Variants in DENND4C observed in about 807,000 individuals in gnomAD.
DENND4C encodes the protein DENN domain containing 4C, also known as DENN domain-containing protein 4C.
In DENND4C, 108 loss-of-function variants were observed where a neutral mutation model predicts 203.0. The ratio of observed to expected loss-of-function variants is 0.53; its 90% CI spans 0.46 to 0.62. The LOEUF (loss-of-function observed/expected upper bound fraction) is 0.62, where lower values mean the gene tolerates loss of function less well. DENND4C is among the 20% of genes least tolerant of loss of function. The pLI is 0.00. For synonymous variants in DENND4C, 871 were observed against 792.4 expected (o/e 1.10, Z -1.67); for missense variants, 2,481 against 2,301.2 (o/e 1.08, Z -1.60).
chr9:19,244,920 G>C (rs1225006884), intron 1 of DENND4C, among the ~76,000 whole-genome samples: 5 of 152,092 alleles, frequency 3.3e-5, no homozygotes, highest in Non-Finnish European at 7.4e-5. Flanking sequence ...TGAATTACTA[G>C]ATGTGAAATA....
chr9:19,280,218 C>T (rs1334634483), intron 2 of DENND4C, among the ~76,000 whole-genome samples: 6 of 151,684 alleles, frequency 4.0e-5, no homozygotes, highest in South Asian at 2.1e-4. Context: ...GGTGCGATCT[C>T]GGCTCACTGC....
In DENND4C at chr9:19,325,922, G is replaced by A; in HGVS notation, c.1954-17G>A. On this transcript the variant is annotated splice_polypyrimidine_tract_variant and intron_variant, in intron 13 of 32. Transcript: ENST00000434457. The stretch of plus-strand genomic sequence containing the variant: ...TAGTGGACATTTTCATTAAGAATCT[G>A]TTTTCTTTTTTTCTAGTTGTTTCCT... The A allele has an allele frequency of 1.3e-6, 2 of 1,594,820 alleles. No homozygotes were observed. The highest frequency in any genetic ancestry group is 2.3e-5 in the South Asian group (2 of 87,916).
At position 19,356,927 on chromosome 9, in the gene DENND4C, T is replaced by C. The variant is rs539407022; in HGVS notation, c.4782-45T>C. On this transcript the variant is annotated intron_variant, in intron 26 of 32. Coordinates refer to ENST00000434457, the MANE Select transcript of DENND4C (RefSeq NM_001330640.2). ...TAAATATGATAGAATTTTAGAAAAC[T>C]TGAGGATTTTTAAAGGCTCTTTTTC... 28 of 1,550,680 alleles carry C rather than the reference T, an allele frequency of 1.8e-5. No homozygotes were observed. The South Asian group carries it at 2.0e-4, about 11-fold the overall frequency.
chr9:19,333,910 A>C (rs1467534170), intron 17 of DENND4C, among the ~76,000 whole-genome samples: 2 of 152,220 alleles, frequency 1.3e-5, no homozygotes, highest in African/African-American at 4.8e-5. Context: ...CTGTCTTCTC[A>C]TTCTTTTAAA....
intron 23 of DENND4C, 28 bp downstream of exon 23, chr9:19,347,114 TCTG>T (rs1472409738): frequency 6.4e-7 from 1 of 1,572,768 alleles, no homozygotes; most frequent in Non-Finnish European, 8.7e-7. Context: ...GTGTAGTCTG[TCTG>T]CTATTGGAGT....
Position 19,311,410 on chromosome 9 carries a change from G to T in DENND4C, c.1488-5007G>T, listed in dbSNP as rs567288410. Among the ~76,000 whole-genome samples the T allele has an allele frequency of 2.0e-4, 30 of 152,316 alleles. No individual in the cohort carries two copies. In the Middle Eastern group the frequency reaches 0.01, roughly 52 times the overall value. On this transcript the variant is annotated intron_variant, in intron 10 of 32. Transcript: ENST00000434457. ...TAAAGTCCTAGAATTATAGGCATGA[G>T]CCACTGCGCCTGGCCCCCACAAAGT...
rs200432985 is a variant in DENND4C, at chr9:19,316,710, A to G, written c.1678A>G (p.Met560Val). Residue 560 changes from methionine to valine, a missense_variant, in exon 12 of 33, where the codon ATG becomes GTG. By Grantham distance (21) the Met-to-Val change is conservative (BLOSUM62 1). Coordinates refer to ENST00000434457, the MANE Select transcript of DENND4C (RefSeq NM_001330640.2). ...SWQKKMTQLE[M>V]EIQEAFLRFM... Reference sequence around the variant, plus strand: ...GCAAAAGAAGATGACACAGCTTGAGATGGAAATTCAAGAGGCATTTTTGCG... The same window carrying G: ...GCAAAAGAAGATGACACAGCTTGAGGTGGAAATTCAAGAGGCATTTTTGCG... 34 of 1,614,012 alleles carry G rather than the reference A, an allele frequency of 2.1e-5. No homozygotes were observed. Among genetic ancestry groups the G allele is most frequent in the African/African-American group, 2.7e-5 (2 of 74,926 alleles).
At chr9:19,234,844 T>A (rs1243875199) in intron 1 of DENND4C, among the ~76,000 whole-genome samples, 1 of 150,824 alleles carries the variant, frequency 6.6e-6, no homozygotes, top group East Asian at 2.0e-4. Flanking sequence ...GTCTGACCCA[T>A]ACTTTTTTAC....
In DENND4C at chr9:19,279,047, G is replaced by T. The variant is rs1280160934; in HGVS notation, c.305+2568G>T. Among the ~76,000 whole-genome samples, 11 of 139,706 alleles carry T rather than the reference G, an allele frequency of 7.9e-5. 1 individual carries two copies. Among genetic ancestry groups the T allele is most frequent in the Admixed American group, 7.8e-4 (11 of 14,042 alleles). 91.7% of individuals were successfully genotyped at this position (139,706 alleles called of 152,430 possible). On this transcript the variant is annotated intron_variant, in intron 2 of 32. Coordinates refer to ENST00000434457, the MANE Select transcript of DENND4C (RefSeq NM_001330640.2). ...ATCTGTATTCTGGTCCAGTGTGGTG[G>T]CTTACACTGTAATCCCAGCTAACCT...
At chr9:19,277,163 A>G (rs546292574) in intron 2 of DENND4C, among the ~76,000 whole-genome samples, 1 of 152,218 alleles carries the variant, frequency 6.6e-6, no homozygotes, top group South Asian at 2.1e-4. Context: ...TACCATTACT[A>G]AAATATAGAT....
chr9:19,325,898 A>G, intron 13 of DENND4C, 41 bp from the exon 14 acceptor site: 4 of 1,562,188 alleles, frequency 2.6e-6, no homozygotes, highest in Non-Finnish European at 3.5e-6. Flanking sequence ...TTAAATTCAT[A>G]GTGGACATTT....
At chr9:19,332,300 G>C in intron 17 of DENND4C, 116 bp downstream of exon 17, 1 of 759,706 alleles carries the variant, frequency 1.3e-6, no homozygotes. Flanking sequence ...AGCAGGAAAG[G>C]TAAAACTATT....
chr9:19,230,962 CG>C (rs1044208146), intron 1 of DENND4C, 129 bp downstream of exon 1: 1 of 152,400 alleles, frequency 6.6e-6, no homozygotes, highest in Non-Finnish European at 1.5e-5. Context: ...GGCTGGCCCG[CG>C]GGGGGTCGCC....
At chr9:19,318,610 G>A (rs779799588) in intron 12 of DENND4C, among the ~76,000 whole-genome samples, 7 of 152,178 alleles carry the variant, frequency 4.6e-5, no homozygotes, top group Non-Finnish European at 8.8e-5. Context: ...TTATTTTCTC[G>A]TGGTTTTGGA....
intron 26 of DENND4C, among the ~76,000 whole-genome samples, chr9:19,356,575 A>G (rs957228338): frequency 1.3e-5 from 2 of 152,144 alleles, no homozygotes; most frequent in African/African-American, 4.8e-5. Flanking sequence ...ATTATAGGTT[A>G]ATATATCTTA....
At position 19,371,959 on chromosome 9, in the gene DENND4C, G is replaced by C. The variant is rs573449147; in HGVS notation, c.5741-78G>C. 171 of 1,443,338 alleles carry C rather than the reference G, an allele frequency of 1.2e-4. No individual in the cohort carries two copies. In the African/African-American group the frequency reaches 2.2e-3, roughly 19 times the overall value. The allele number at this position is 1,443,338 out of a possible 1,614,324, so 89.4% of individuals were successfully genotyped here. On this transcript the variant is annotated intron_variant, in intron 32 of 32. Coordinates refer to ENST00000434457, the MANE Select transcript of DENND4C (RefSeq NM_001330640.2). ...TATATAGTTCAAATACATATAATTTGACTCAATACCAATTTGAAATGAACG... is the reference window on the plus strand; with the variant it reads ...TATATAGTTCAAATACATATAATTTCACTCAATACCAATTTGAAATGAACG...
intron 1 of DENND4C, among the ~76,000 whole-genome samples, chr9:19,259,271 G>C (rs942263242): frequency 6.6e-6 from 1 of 151,852 alleles, no homozygotes; most frequent in Non-Finnish European, 1.5e-5. Context: ...TGCAGCGTCT[G>C]ATAGCTATTA....
chr9:19,273,095 C>G (rs1017785031), intron 1 of DENND4C, among the ~76,000 whole-genome samples: 7 of 151,658 alleles, frequency 4.6e-5, no homozygotes, highest in African/African-American at 1.7e-4. Flanking sequence ...ACTACAGGCA[C>G]CCGCCGCCAC....
intron 28 of DENND4C, among the ~76,000 whole-genome samples, chr9:19,359,590 C>G (rs900241899): frequency 9.9e-5 from 15 of 151,726 alleles, no homozygotes; most frequent in Non-Finnish European, 2.2e-4. Flanking sequence ...GACCTAGAAT[C>G]AGCTGTTTCT....
Sources: allele counts gnomAD v4.1 joint callset (sites outside exome capture counted in the v4.1 genomes callset), GRCh38; gene constraint gnomAD v4.1.1; transcripts MANE v1.5; gene names NCBI Gene and HGNC (gene_info 2026-07-23, HGNC 2026-07-21).